Variants in GAREM1 observed in about 807,000 individuals in gnomAD.
GAREM1 encodes GRB2-associated and regulator of MAPK protein 1.
Under a neutral mutation model 71.3 loss-of-function variants are expected in GAREM1, and 26 were observed. The ratio of observed to expected loss-of-function variants is 0.36; its 90% CI spans 0.27 to 0.51. The LOEUF is 0.51. Ranked by LOEUF, GAREM1 falls within the 20% of genes least tolerant of loss-of-function variation. The pLI, the probability that GAREM1 is intolerant of heterozygous loss-of-function variation, is 0.95. For missense variants in GAREM1, 1,026 were observed against 1,103.1 expected, an observed-to-expected ratio of 0.93 and a Z score of 0.99; for synonymous variants, 440 against 433.2, an observed-to-expected ratio of 1.02 and a Z score of -0.20.
intron 2 of GAREM1, among the ~76,000 whole-genome samples, chr18:32,374,080 T>A (rs1228942362): frequency 6.6e-6 from 1 of 152,194 alleles, no homozygotes; most frequent in Non-Finnish European, 1.5e-5. Flanking sequence ...TGTTTCAGCT[T>A]CCACCAAAGA....
In GAREM1 at chr18:32,400,374, G is replaced by A. The variant is rs1301453843; in HGVS notation, c.122-7339C>T. Among the ~76,000 whole-genome samples the A allele has an allele frequency of 2.0e-5, 3 of 152,260 alleles. No homozygotes were observed. The East Asian group carries it at 5.8e-4, about 29-fold the overall frequency. On this transcript the variant is annotated intron_variant, in intron 1 of 5. Coordinates refer to ENST00000269209, the MANE Select transcript of GAREM1 (RefSeq NM_001242409.2). ...TGCACAGCAAAAGAAACTACCATCA[G>A]AGTGAATAGGCAACCTACAGAATGG...
chr18:32,310,338 A>C lies in GAREM1; in HGVS notation c.263-15T>G. The C allele has an allele frequency of 1.2e-6, 2 of 1,613,726 alleles. No homozygotes were observed. The highest frequency in any genetic ancestry group is 1.7e-6 in the Non-Finnish European group (2 of 1,179,770). ...CTTGAATTGCCCTAAAACACAGGAT[A>C]AACAGAAGAGATCTAAGATGTTTAT... On this transcript the variant is annotated splice_polypyrimidine_tract_variant and intron_variant, in intron 2 of 5. Transcript: ENST00000269209.
rs940772217 is a variant in GAREM1 at position 32,268,347 on chromosome 18, T to G, written c.2155A>C (p.Ser719Arg). 1.2e-6 allele frequency: 2 copies of G among 1,614,068 alleles called. No homozygotes were observed. Among genetic ancestry groups the G allele is most frequent in the Non-Finnish European group, 1.7e-6 (2 of 1,180,042 alleles). The change falls in exon 6 of 6, where the codon AGT becomes CGT. Residue 719 changes from serine to arginine, a missense_variant. Around this residue, in one of 3 missense-constraint regions of GAREM1, gnomAD observed 636 missense variants for 631.2 expected, o/e 1.01. Coordinates refer to ENST00000269209, the MANE Select transcript of GAREM1 (RefSeq NM_001242409.2). The stretch of plus-strand genomic sequence containing the variant: ...GGGGGTAAGGCAGGGCATGACGTAC[T>G]CTGCTTTGTCACACCAGCTGCAAGA... ...KSLAAGVTKQ[S>R]TSCPALPPRA...
chr18:32,343,378 G>A (rs2047666312), intron 2 of GAREM1, among the ~76,000 whole-genome samples: 1 of 147,566 alleles, frequency 6.8e-6, no homozygotes, highest in African/African-American at 2.5e-5. Flanking sequence ...GCAGTGGCGC[G>A]ATCTCAGCTC....
In GAREM1 at chr18:32,341,153, G is replaced by A. The variant is rs985599271; in HGVS notation, c.263-30830C>T. On this transcript the variant is annotated intron_variant, in intron 2 of 5. Transcript: ENST00000269209. The stretch of plus-strand genomic sequence containing the variant: ...CTCCCCTTACCCCATGACAGGCCCC[G>A]GTGTGTGATGTTCCCCACCCTGTGT... Among the ~76,000 whole-genome samples the A allele has an allele frequency of 5.3e-5, 8 of 152,082 alleles. No individual in the cohort carries two copies. The East Asian group carries it at 7.7e-4, about 15-fold the overall frequency.
intron 1 of GAREM1, among the ~76,000 whole-genome samples, chr18:32,428,522 C>T (rs183659782): frequency 4.4e-4 from 67 of 152,284 alleles, no homozygotes; most frequent in African/African-American, 1.6e-3. Flanking sequence ...TCTCTTCCTC[C>T]TGCTCCAGCC....
intron 1 of GAREM1, among the ~76,000 whole-genome samples, chr18:32,403,171 G>A (rs1468372895): frequency 6.6e-6 from 1 of 152,128 alleles, no homozygotes; most frequent in Non-Finnish European, 1.5e-5. Context: ...GCCTCCCAAA[G>A]CGCTGGGATT....
chr18:32,371,372 C>T (rs1598997281), intron 2 of GAREM1, among the ~76,000 whole-genome samples: 1 of 152,254 alleles, frequency 6.6e-6, no homozygotes, highest in Admixed American at 6.5e-5. Context: ...GATGGTTTAT[C>T]TAATTTTAGG....
intron 1 of GAREM1, among the ~76,000 whole-genome samples, chr18:32,407,934 T>G (rs1244844871): frequency 6.6e-6 from 1 of 151,960 alleles, no homozygotes; most frequent in Non-Finnish European, 1.5e-5. Context: ...TCAATCAAAA[T>G]ATATGAACTA....
At chr18:32,424,847 T>A (rs1436171101) in intron 1 of GAREM1, among the ~76,000 whole-genome samples, 6 of 152,234 alleles carry the variant, frequency 3.9e-5, no homozygotes, top group African/African-American at 1.4e-4. Context: ...ATAGTACTTA[T>A]TAAGCACTAT....
intron 4 of GAREM1, among the ~76,000 whole-genome samples, chr18:32,283,132 G>T (rs2046971223): frequency 6.6e-6 from 1 of 152,192 alleles, no homozygotes; most frequent in African/African-American, 2.4e-5. Context: ...AGTTCTAGGG[G>T]TTGCATCTTG....
chr18:32,459,940 TAAC>T (rs1362518146), intron 1 of GAREM1, among the ~76,000 whole-genome samples: 1 of 152,178 alleles, frequency 6.6e-6, no homozygotes, highest in Non-Finnish European at 1.5e-5. Flanking sequence ...GACTCTGTTA[TAAC>T]GAGTGCTTTC....
At chr18:32,444,970 C>T (rs2048772817) in intron 1 of GAREM1, among the ~76,000 whole-genome samples, 1 of 152,118 alleles carries the variant, frequency 6.6e-6, no homozygotes, top group African/African-American at 2.4e-5. Context: ...CTTCTTGTAG[C>T]GTATCCTGCC....
rs953921268 is a variant in GAREM1, at chr18:32,339,507, C to G, written c.263-29184G>C. 3.3e-5 allele frequency among the ~76,000 whole-genome samples: 5 copies of G among 152,272 alleles called. No individual in the cohort carries two copies. The East Asian group carries it at 9.6e-4, about 29-fold the overall frequency. ...TCCTTATAGACTGAAATTTTCTTTA[C>G]AGAAGATGGGTTTGGGCTGGACCTA... is the stretch of plus-strand genomic sequence containing the variant. On this transcript the variant is annotated intron_variant, in intron 2 of 5. Transcript: ENST00000269209.
intron 2 of GAREM1, among the ~76,000 whole-genome samples, chr18:32,377,442 G>A (rs1227111245): frequency 6.6e-6 from 1 of 152,196 alleles, no homozygotes; most frequent in Non-Finnish European, 1.5e-5. Flanking sequence ...GCTGCCAAAC[G>A]TGAAGACAGT....
chr18:32,270,167 C>G, intron 5 of GAREM1, 50 bp downstream of exon 5: 1 of 1,588,778 alleles, frequency 6.3e-7, no homozygotes, highest in Non-Finnish European at 8.6e-7. Flanking sequence ...AACCCATGAA[C>G]TGGTGGATGA....
chr18:32,402,878 G>A (rs2048328506), intron 1 of GAREM1, among the ~76,000 whole-genome samples: 2 of 151,930 alleles, frequency 1.3e-5, no homozygotes, highest in South Asian at 4.1e-4. Flanking sequence ...ATCTGTGCTC[G>A]TGGAGTGGAC....
chr18:32,287,458 G>C lies in GAREM1; in HGVS notation c.1139C>G (p.Thr380Ser), dbSNP rs2047034738. The change falls in exon 4 of 6, where the codon ACC becomes AGC. Residue 380 changes from threonine to serine, a missense_variant. This residue lies in a region of GAREM1 where 636 missense variants were observed against 631.2 expected (regional missense o/e 1.01). Transcript: ENST00000269209. The surrounding 1 kb of genome is among the most constrained non-coding windows in gnomAD (Gnocchi z 5.9). ...NSLSYARDEL[T>S]QSFHRLSVCV... Reference sequence around the variant, plus strand: ...GACCGAGAGTCGGTGGAAGGACTGGGTGAGCTCATCGCGGGCGTAGCTGAG... The same window carrying C: ...GACCGAGAGTCGGTGGAAGGACTGGCTGAGCTCATCGCGGGCGTAGCTGAG... 1 of 1,614,172 alleles carries C rather than the reference G, an allele frequency of 6.2e-7. No homozygotes were observed. The highest frequency in any genetic ancestry group is 1.1e-5 in the South Asian group (1 of 91,078).
At chr18:32,366,106 T>G (rs1215333208) in intron 2 of GAREM1, among the ~76,000 whole-genome samples, 1 of 152,110 alleles carries the variant, frequency 6.6e-6, no homozygotes, top group East Asian at 1.9e-4. Context: ...TACCTCTCCC[T>G]GCCTGCCACA....
Sources: gnomAD v4.1 joint callset for allele counts (sites outside exome capture counted in the v4.1 genomes callset) on GRCh38, gnomAD v4.1.1 for gene constraint, gnomAD v4.1.1 regional missense constraint, Gnocchi (gnomAD v3.1) non-coding constraint, MANE v1.5 for transcripts, NCBI Gene and HGNC (gene_info 2026-07-23, HGNC 2026-07-21) for gene names.